The following WRN variants were observed in gnomAD, a reference collection of about 807,000 sequenced individuals.
WRN encodes the protein bifunctional 3'-5' exonuclease/ATP-dependent helicase WRN.
In WRN, 149 loss-of-function variants were observed where a neutral mutation model predicts 180.7. That is an observed-to-expected ratio of 0.82 (90% CI 0.72 to 0.94). The LOEUF (loss-of-function observed/expected upper bound fraction) is 0.94. Among genes scored for constraint, WRN ranks in the 40% least tolerant of loss-of-function variants. The pLI, the probability that WRN is intolerant of heterozygous loss-of-function variation, is 0.00. For synonymous variants in WRN, 548 were observed against 568.9 expected, an observed-to-expected ratio of 0.96 and a Z score of 0.52; for missense variants, 1,661 against 1,700.1, an observed-to-expected ratio of 0.98 and a Z score of 0.40.
rs11574179 is a variant in WRN at position 31,059,627 on chromosome 8, A to C, written c.209+362A>C. Among the ~76,000 whole-genome samples the C allele has an allele frequency of 4.8e-3, 728 of 152,308 alleles. 31 individuals are homozygous for C. In the East Asian group the frequency reaches 0.11, roughly 23 times the overall value. ...TACCAATTTAGGGAAAAAGTGCAAA[A>C]ATTATTTAACCTTTAAATGCACCTT... On this transcript the variant is annotated intron_variant, in intron 3 of 34. Coordinates refer to ENST00000298139, the MANE Select transcript of WRN (RefSeq NM_000553.6).
rs78665385 is a variant in WRN, at chr8:31,132,202, G to T, written c.2826-163G>T. ...TACAATAGTTTATTTTCATATTTTA[G>T]CTACTTTACATACTCGGGTATAATG... On this transcript the variant is annotated intron_variant, in intron 23 of 34. Coordinates refer to ENST00000298139, the MANE Select transcript of WRN (RefSeq NM_000553.6). Among the ~76,000 whole-genome samples the T allele has an allele frequency of 2.8e-3, 427 of 152,122 alleles. 1 individual carries two copies. Among genetic ancestry groups the T allele is most frequent in the Non-Finnish European group, 5.1e-3 (347 of 68,002 alleles).
At chr8:31,084,902 T>G (rs1305319421) in intron 10 of WRN, among the ~76,000 whole-genome samples, 2 of 152,224 alleles carry the variant, frequency 1.3e-5, no homozygotes, top group East Asian at 1.9e-4. Flanking sequence ...TTTGTATTCT[T>G]GTTTAGAGCA....
At chr8:31,162,949 A>G (rs147909169) in intron 33 of WRN, among the ~76,000 whole-genome samples, 165 of 152,302 alleles carry the variant, frequency 1.1e-3, no homozygotes, top group African/African-American at 3.6e-3. Flanking sequence ...AGTACCCTCT[A>G]AATATGATTA....
At chr8:31,066,289 G>A (rs1419704198) in intron 5 of WRN, among the ~76,000 whole-genome samples, 7 of 151,938 alleles carry the variant, frequency 4.6e-5, no homozygotes, top group Non-Finnish European at 8.8e-5. Context: ...GGGTTCAAGC[G>A]ATTCTCCTGC....
intron 19 of WRN, among the ~76,000 whole-genome samples, chr8:31,112,863 C>T (rs1585473618): frequency 6.6e-6 from 1 of 152,048 alleles, no homozygotes; most frequent in Non-Finnish European, 1.5e-5. Context: ...GCTGGAATTA[C>T]AGGTGTTGGC....
At chr8:31,058,983 G>A (rs1812381142) in intron 2 of WRN, among the ~76,000 whole-genome samples, 170 bp from the exon 3 acceptor site, 1 of 152,102 alleles carries the variant, frequency 6.6e-6, no homozygotes, top group Non-Finnish European at 1.5e-5. Context: ...TTTCACAATG[G>A]GATGGTTTTT....
chr8:31,090,711 A>T (rs960853582), intron 14 of WRN, 123 bp from the exon 15 acceptor site: 1 of 1,035,558 alleles, frequency 9.7e-7, no homozygotes. Flanking sequence ...TTTTAGGAAG[A>T]TAGCATACTA....
chr8:31,074,355 G>T (rs542113108), intron 7 of WRN, among the ~76,000 whole-genome samples: 1 of 152,106 alleles, frequency 6.6e-6, no homozygotes, highest in African/African-American at 2.4e-5. Flanking sequence ...AAGGAATTTC[G>T]CTATAAATGG....
At chr8:31,085,134 T>G in intron 10 of WRN, 32 bp from the exon 11 acceptor site, 1 of 1,608,086 alleles carries the variant, frequency 6.2e-7, no homozygotes, top group Non-Finnish European at 8.5e-7. Context: ...TCAATTATAT[T>G]GGAAATTAAT....
intron 30 of WRN, among the ~76,000 whole-genome samples, chr8:31,149,108 A>C (rs1280606976): frequency 6.6e-6 from 1 of 152,186 alleles, no homozygotes; most frequent in East Asian, 1.9e-4. Context: ...TAAAAAATAA[A>C]TATTCTGGCC....
At chr8:31,041,655 G>C (rs567582213) in intron 1 of WRN, among the ~76,000 whole-genome samples, 2 of 152,320 alleles carry the variant, frequency 1.3e-5, no homozygotes, top group Admixed American at 1.3e-4. Context: ...AGCTAAGAGT[G>C]ACGATCGGTG....
intron 31 of WRN, among the ~76,000 whole-genome samples, chr8:31,153,060 A>G (rs1250672040): frequency 6.6e-6 from 1 of 152,074 alleles, no homozygotes; most frequent in East Asian, 1.9e-4. Flanking sequence ...GTTATATTCC[A>G]AACTTGTTCT....
intron 24 of WRN, among the ~76,000 whole-genome samples, chr8:31,135,854 G>T (rs1802378659): frequency 6.6e-6 from 1 of 151,296 alleles, no homozygotes; most frequent in African/African-American, 2.4e-5. Flanking sequence ...TTCTCTGTCA[G>T]ATACCGTTGT....
chr8:31,034,567 T>C (rs1410990909), intron 1 of WRN, among the ~76,000 whole-genome samples: 1 of 152,078 alleles, frequency 6.6e-6, no homozygotes, highest in Non-Finnish European at 1.5e-5. Flanking sequence ...GGGTGGGATA[T>C]TGGGATAAGT....
chr8:31,136,286 C>G (rs1340069620), intron 24 of WRN, among the ~76,000 whole-genome samples: 4 of 152,348 alleles, frequency 2.6e-5, no homozygotes, highest in African/African-American at 7.2e-5. Flanking sequence ...AGCCACTGTG[C>G]CGGCCTGAAA....
At chr8:31,116,904 A>G (rs908893281) in intron 20 of WRN, among the ~76,000 whole-genome samples, 6 of 152,162 alleles carry the variant, frequency 3.9e-5, no homozygotes, top group Non-Finnish European at 7.4e-5. Context: ...AGACACTTTG[A>G]TATGAGAACA....
At chr8:31,047,366 C>T (rs1811908069) in intron 1 of WRN, among the ~76,000 whole-genome samples, 1 of 152,096 alleles carries the variant, frequency 6.6e-6, no homozygotes. Flanking sequence ...GGACTCAAGC[C>T]AGCCTCCTGC....
At position 31,067,191 on chromosome 8, in the gene WRN, T is replaced by C. The variant is rs1812743499; in HGVS notation, c.654+9T>C. ...CAGCCACTGATGCTTATGTACGTGC[T>C]TAAAGATCTTTAGAAATTGTGATGT... is the stretch of plus-strand genomic sequence containing the variant. On this transcript the variant is annotated intron_variant, in intron 6 of 34. Coordinates refer to ENST00000298139, the MANE Select transcript of WRN (RefSeq NM_000553.6). 1 of 1,613,052 alleles carries C rather than the reference T, an allele frequency of 6.2e-7. No homozygotes were observed. The highest frequency in any genetic ancestry group is 2.2e-5 in the East Asian group (1 of 44,838).
chr8:31,096,189 C>T (rs1018898763), intron 16 of WRN, among the ~76,000 whole-genome samples: 18 of 152,258 alleles, frequency 1.2e-4, no homozygotes, highest in Admixed American at 8.5e-4. Flanking sequence ...CAATGCCTAG[C>T]GCACAATAGA....
Sources: gnomAD v4.1 joint callset for allele counts (sites outside exome capture counted in the v4.1 genomes callset) on GRCh38, gnomAD v4.1.1 for gene constraint, MANE v1.5 for transcripts, NCBI Gene and HGNC (gene_info 2026-07-23, HGNC 2026-07-21) for gene names.